The following MAN1C1 variants were observed in gnomAD, a reference collection of about 807,000 sequenced individuals.
MAN1C1 encodes mannosyl-oligosaccharide 1,2-alpha-mannosidase IC.
Under a neutral mutation model 71.5 loss-of-function variants are expected in MAN1C1, and 49 were observed. That is an observed-to-expected ratio of 0.69 (90% CI 0.54 to 0.87). The LOEUF (loss-of-function observed/expected upper bound fraction) is 0.87, where lower values mean the gene tolerates loss of function less well. Among genes scored for constraint, MAN1C1 ranks in the 40% least tolerant of loss-of-function variants. MAN1C1 has a pLI of 0.00. For missense variants in MAN1C1, 743 were observed against 835.0 expected, an observed-to-expected ratio of 0.89 and a Z score of 1.36; for synonymous variants, 352 against 343.7, an observed-to-expected ratio of 1.02 and a Z score of -0.27.
intron 2 of MAN1C1, among the ~76,000 whole-genome samples, chr1:25,698,997 C>A (rs867498333): frequency 1.5e-4 from 22 of 149,010 alleles, no homozygotes; most frequent in Admixed American, 5.4e-4. Context: ...CATACTGAGA[C>A]TGGAAGCATG....
chr1:25,699,613 G>A (rs1053240980), intron 2 of MAN1C1, among the ~76,000 whole-genome samples: 17 of 152,202 alleles, frequency 1.1e-4, no homozygotes, highest in African/African-American at 3.9e-4. Flanking sequence ...GATGAGGCCT[G>A]ATCCCCATCA....
intron 11 of MAN1C1, among the ~76,000 whole-genome samples, chr1:25,783,139 C>T (rs1017660394): frequency 6.6e-6 from 1 of 152,186 alleles, no homozygotes; most frequent in East Asian, 1.9e-4. Context: ...CACTTCCTCA[C>T]TGTTCCCCAA....
intron 1 of MAN1C1, among the ~76,000 whole-genome samples, chr1:25,632,290 C>A (rs888637442): frequency 3.9e-5 from 6 of 152,044 alleles, no homozygotes; most frequent in Admixed American, 3.3e-4. Flanking sequence ...AGTTTATGTG[C>A]GTAGAGATGT....
chr1:25,702,029 CA>C (rs1331749661), intron 2 of MAN1C1, among the ~76,000 whole-genome samples: 2 of 152,172 alleles, frequency 1.3e-5, no homozygotes, highest in Non-Finnish European at 2.9e-5. Flanking sequence ...CGCGGCACTC[CA>C]GCCTGGGTGA....
rs1173228265 is a variant in MAN1C1, at chr1:25,617,355, G to C, written c.-443G>C. 6.6e-6 allele frequency: 1 copy of C among 151,880 alleles called. No individual in the cohort carries two copies. Among genetic ancestry groups the C allele is most frequent in the Non-Finnish European group, 1.5e-5 (1 of 68,082 alleles). The allele number at this position is 151,880 out of a possible 1,614,324, so 9.4% of individuals were successfully genotyped here. On this transcript the variant is annotated 5_prime_UTR_variant, in exon 1 of 12. Transcript: ENST00000374332. The surrounding 1 kb of genome is among the most constrained non-coding windows in gnomAD (Gnocchi z 5.1). ...AAACTTTGGGCGCCTACCAGCGCGG[G>C]CGGGAGCCTAGGGGGCGGAGGGCGG...
intron 1 of MAN1C1, among the ~76,000 whole-genome samples, chr1:25,677,998 C>T (rs907918273): frequency 2.0e-5 from 3 of 151,904 alleles, no homozygotes; most frequent in East Asian, 1.9e-4. Context: ...GTATTTTTCA[C>T]ATCACAAAAC....
chr1:25,654,070 T>C (rs970807659), intron 1 of MAN1C1, among the ~76,000 whole-genome samples: 3 of 152,138 alleles, frequency 2.0e-5, no homozygotes, highest in Non-Finnish European at 2.9e-5. Flanking sequence ...TGGTTGCACA[T>C]TGAGACAAGT....
rs1425127964 is a variant in MAN1C1 at position 25,617,222 on chromosome 1, G to A, written c.-576G>A. ...AAGTTGTGGACGTGTCCCGATAGTC[G>A]AGCCCGGGCGCTGTCGCGACCGGGC... On this transcript the variant is annotated 5_prime_UTR_variant, in exon 1 of 12. Transcript: ENST00000374332. The surrounding 1 kb of genome is among the most constrained non-coding windows in gnomAD (Gnocchi z 5.1). 2.0e-5 allele frequency among the ~76,000 whole-genome samples: 3 copies of A among 151,560 alleles called. No homozygotes were observed. The highest frequency in any genetic ancestry group is 4.4e-5 in the Non-Finnish European group (3 of 67,824).
At chr1:25,743,693 G>A (rs807266) in intron 2 of MAN1C1, among the ~76,000 whole-genome samples, 11,109 of 152,288 alleles carry the variant, frequency 0.073, 507 homozygotes, top group African/African-American at 0.12. Flanking sequence ...GGGACGTCAC[G>A]GGGCAGAGCT....
At chr1:25,720,579 C>T (rs2046749659) in intron 2 of MAN1C1, among the ~76,000 whole-genome samples, 1 of 152,202 alleles carries the variant, frequency 6.6e-6, no homozygotes, top group Non-Finnish European at 1.5e-5. Flanking sequence ...GATACCAGTT[C>T]TCTATGGGAC....
In MAN1C1 at chr1:25,725,359, C is replaced by A. The variant is rs2046818665; in HGVS notation, c.638-21309C>A. 2.0e-5 allele frequency among the ~76,000 whole-genome samples: 3 copies of A among 152,334 alleles called. No individual in the cohort carries two copies. Among genetic ancestry groups the A allele is most frequent in the Non-Finnish European group, 4.4e-5 (3 of 68,030 alleles). On this transcript the variant is annotated intron_variant, in intron 2 of 11. Transcript: ENST00000374332. This position sits in a 1 kb window ranked among gnomAD's most constrained non-coding sequence, Gnocchi z 4.8. ...TCCCTTGCCTCGAAAGAGTTCTCTT[C>A]TTAGAGGAGGGATTCACACGTAATT...
intron 1 of MAN1C1, among the ~76,000 whole-genome samples, chr1:25,683,113 G>A (rs1033525801): frequency 1.9e-4 from 29 of 151,596 alleles, no homozygotes; most frequent in African/African-American, 6.3e-4. Flanking sequence ...GCCTAAGCAT[G>A]ACAGCAGGAA....
chr1:25,668,469 G>C (rs1415271917), intron 1 of MAN1C1, among the ~76,000 whole-genome samples: 1 of 152,168 alleles, frequency 6.6e-6, no homozygotes, highest in Non-Finnish European at 1.5e-5. Context: ...ATGTCAGGTG[G>C]GGAGAGGTAG....
intron 1 of MAN1C1, among the ~76,000 whole-genome samples, chr1:25,621,665 CGAG>C (rs2045212779): frequency 6.6e-6 from 1 of 151,578 alleles, no homozygotes; most frequent in African/African-American, 2.4e-5. Flanking sequence ...GCTCTGTCGT[CGAG>C]GCTGCAGTGC....
chr1:25,703,697 A>C (rs1467759867), intron 2 of MAN1C1, among the ~76,000 whole-genome samples: 1 of 152,132 alleles, frequency 6.6e-6, no homozygotes, highest in African/African-American at 2.4e-5. Flanking sequence ...AAAGAAATGA[A>C]AGTGGGATCT....
chr1:25,674,355 C>T (rs80006089), intron 1 of MAN1C1, among the ~76,000 whole-genome samples: 3,569 of 152,306 alleles, frequency 0.023, 146 homozygotes, highest in African/African-American at 0.081. Context: ...ATTTAATCAA[C>T]ATATTTTTAT....
chr1:25,747,097 T>C (rs1430211167), intron 3 of MAN1C1, among the ~76,000 whole-genome samples: 1 of 152,180 alleles, frequency 6.6e-6, no homozygotes, highest in Non-Finnish European at 1.5e-5. Context: ...GGACGGCCCC[T>C]GGGGCTGGAT....
chr1:25,638,415 T>A (rs2045493277), intron 1 of MAN1C1, among the ~76,000 whole-genome samples: 1 of 152,214 alleles, frequency 6.6e-6, no homozygotes, highest in South Asian at 2.1e-4. Flanking sequence ...AAACAGTCAG[T>A]TGTCTTAAAT....
At chr1:25,650,096 G>A (rs1275151478) in intron 1 of MAN1C1, among the ~76,000 whole-genome samples, 1 of 152,176 alleles carries the variant, frequency 6.6e-6, no homozygotes, top group Non-Finnish European at 1.5e-5. Flanking sequence ...CAAAGCAGGG[G>A]CTATAAATTC....
Sources: gnomAD v4.1 joint callset for allele counts (sites outside exome capture counted in the v4.1 genomes callset) on GRCh38, gnomAD v4.1.1 for gene constraint, Gnocchi (gnomAD v3.1) non-coding constraint, MANE v1.5 for transcripts, NCBI Gene and HGNC (gene_info 2026-07-23, HGNC 2026-07-21) for gene names.